Variants in RASSF5 observed in about 807,000 individuals in gnomAD.
The protein encoded by RASSF5 is Ras association domain family member 5.
RASSF5 carries 25 observed loss-of-function variants against 40.5 expected under a neutral mutation model. The ratio of observed to expected loss-of-function variants is 0.62; its 90% confidence interval spans 0.45 to 0.86. The LOEUF is 0.86. Ranked by LOEUF, RASSF5 falls within the 40% of genes least tolerant of loss-of-function variation. RASSF5 has a pLI of 0.00. For missense variants in RASSF5, 521 were observed against 572.8 expected (o/e 0.91, Z 0.92); for synonymous variants, 246 against 252.4 (o/e 0.97, Z 0.24).
intron 2 of RASSF5, among the ~76,000 whole-genome samples, chr1:206,548,802 C>T (rs1257627089): frequency 6.6e-6 from 1 of 152,160 alleles, no homozygotes; most frequent in African/African-American, 2.4e-5. Context: ...TGCTTGAATT[C>T]GTTCCACAGC....
chr1:206,557,606 CTG>C (rs1668026658), intron 2 of RASSF5: 2 of 1,614,242 alleles, frequency 1.2e-6, no homozygotes, highest in East Asian at 4.5e-5. Context: ...GCAGTGGGTA[CTG>C]CAGCCTGGAC....
In RASSF5 at chr1:206,583,301, C is replaced by T; in HGVS notation, c.612C>T (p.Arg204=). ...GTAAACCTGTGGAGGAGACACAGCG[C>T]CCGCCCACACTGCAGGAGATCAAGC... ...NVCKPVEETQ[R]PPTLQEIKQK... The change falls in exon 3 of 6, where the codon CGC becomes CGT. Residue 204 remains arginine, a synonymous_variant. Coordinates refer to ENST00000579436, the MANE Select transcript of RASSF5 (RefSeq NM_182663.4). The T allele has an allele frequency of 1.2e-6, 2 of 1,613,818 alleles. No homozygotes were observed. The highest frequency in any genetic ancestry group is 8.5e-7 in the Non-Finnish European group (1 of 1,179,782).
In RASSF5 at chr1:206,513,756, C is replaced by A. The variant is rs1409080601; in HGVS notation, c.457+5697C>A. Among the ~76,000 whole-genome samples the A allele has an allele frequency of 2.6e-5, 4 of 152,104 alleles. No homozygotes were observed. The highest frequency in any genetic ancestry group is 4.4e-5 in the Non-Finnish European group (3 of 68,012). On this transcript the variant is annotated intron_variant, in intron 1 of 5. Transcript: ENST00000579436. The surrounding 1 kb of genome is among the most constrained non-coding windows in gnomAD (Gnocchi z 5.0). ...CATGTTCCGGGCTGGATCTCAGGGT[C>A]GGAAGGGGAACAGAGCCAGTTTTGG...
At chr1:206,528,532 G>T (rs963773691) in intron 1 of RASSF5, among the ~76,000 whole-genome samples, 8 of 152,166 alleles carry the variant, frequency 5.3e-5, no homozygotes, top group African/African-American at 1.9e-4. Context: ...ACAGCACCAA[G>T]AGTGAACCCT....
At chr1:206,514,307 T>C (rs528412576) in intron 1 of RASSF5, among the ~76,000 whole-genome samples, 1 of 152,362 alleles carries the variant, frequency 6.6e-6, no homozygotes, top group African/African-American at 2.4e-5. Context: ...AGATTTTCTT[T>C]CGGATTTTCC....
intron 1 of RASSF5, among the ~76,000 whole-genome samples, chr1:206,522,608 A>T (rs1666937517): frequency 6.6e-6 from 1 of 152,212 alleles, no homozygotes; most frequent in Non-Finnish European, 1.5e-5. Flanking sequence ...TTCTTGGCCA[A>T]GGGGGGATTC....
At chr1:206,582,926 T>C (rs1187422742) in intron 2 of RASSF5, among the ~76,000 whole-genome samples, 1 of 152,178 alleles carries the variant, frequency 6.6e-6, no homozygotes, top group Non-Finnish European at 1.5e-5. Flanking sequence ...CATAAGCAAA[T>C]GCGGCTCTGC....
chr1:206,538,339 G>A, intron 2 of RASSF5, 46 bp downstream of exon 2: 3 of 1,606,404 alleles, frequency 1.9e-6, no homozygotes, highest in African/African-American at 1.3e-5. Context: ...GCCTCTGCAG[G>A]TGCCCCGGGC....
chr1:206,528,895 C>G (rs1270512960), intron 1 of RASSF5: 1 of 523,552 alleles, frequency 1.9e-6, no homozygotes, highest in Admixed American at 3.3e-5. Flanking sequence ...AAAATTAGCT[C>G]TCTCCTCGCA....
intron 2 of RASSF5, among the ~76,000 whole-genome samples, chr1:206,556,331 T>C (rs565584109): frequency 1.3e-5 from 2 of 152,310 alleles, no homozygotes; most frequent in South Asian, 4.1e-4. Flanking sequence ...CTCAAGGCTA[T>C]TGGAATGAGT....
rs1174222357 is a variant in RASSF5, at chr1:206,535,235, G to A, written c.458-2937G>A. Among the ~76,000 whole-genome samples, 1 of 152,158 alleles carries A rather than the reference G, an allele frequency of 6.6e-6. No homozygotes were observed. The highest frequency in any genetic ancestry group is 1.9e-4 in the East Asian group (1 of 5,204). On this transcript the variant is annotated intron_variant, in intron 1 of 5. Coordinates refer to ENST00000579436, the MANE Select transcript of RASSF5 (RefSeq NM_182663.4). This position sits in a 1 kb window ranked among gnomAD's most constrained non-coding sequence, Gnocchi z 5.0. The stretch of plus-strand genomic sequence containing the variant: ...AAAAACAAAAAACAAAACATAAATT[G>A]AGCACCAGCTGAAGGCTGTGGAGGA...
Position 206,578,233 on chromosome 1 carries a change from AGT to A in RASSF5, c.580-5007_580-5006del, listed in dbSNP as rs58059864. Among the ~76,000 whole-genome samples the A allele has an allele frequency of 2.6e-3, 301 of 117,526 alleles. 1 individual carries two copies. Among genetic ancestry groups the A allele is most frequent in the East Asian group, 4.4e-3 (18 of 4,054 alleles). The allele number at this position is 117,526 out of a possible 152,430, so 77.1% of individuals were successfully genotyped here. ...AGAGGGAGACATCTCAAAAAAAAAA[AGT>A]GTGTGTGTGTGTGTGTGTGTGTGTG... On this transcript the variant is annotated intron_variant, in intron 2 of 5. Transcript: ENST00000579436.
At chr1:206,530,701 C>T (rs540169584) in intron 1 of RASSF5, among the ~76,000 whole-genome samples, 3 of 152,302 alleles carry the variant, frequency 2.0e-5, no homozygotes, top group South Asian at 2.1e-4. Context: ...TCCAGGGGGC[C>T]GGCAGAGGCT....
chr1:206,558,228 G>A (rs1473409551), intron 2 of RASSF5, among the ~76,000 whole-genome samples: 2 of 152,208 alleles, frequency 1.3e-5, no homozygotes, highest in Middle Eastern at 3.2e-3. Context: ...TCTGGCCTAG[G>A]CTGCTGTCAT....
chr1:206,541,337 G>A (rs1220247205), intron 2 of RASSF5, among the ~76,000 whole-genome samples: 1 of 152,094 alleles, frequency 6.6e-6, no homozygotes, highest in East Asian at 1.9e-4. Context: ...ATAAGCATTT[G>A]GCCTCAACAT....
intron 1 of RASSF5, among the ~76,000 whole-genome samples, chr1:206,537,028 G>T (rs573942004): frequency 1.3e-5 from 2 of 150,112 alleles, no homozygotes; most frequent in Non-Finnish European, 3.0e-5. Context: ...CCCCACCCCC[G>T]CTCCCCTGCC....
chr1:206,557,579 C>G, intron 2 of RASSF5: 2 of 1,614,112 alleles, frequency 1.2e-6, no homozygotes, highest in South Asian at 2.2e-5. Flanking sequence ...GGTAGATGAC[C>G]GTGGACAGCA....
rs182749971 is a variant in RASSF5, at chr1:206,525,015, C to T, written c.458-13157C>T. On this transcript the variant is annotated intron_variant, in intron 1 of 5. Transcript: ENST00000579436. ...TCCTTTGTCCTGGGTGCCTGGCAGG[C>T]ACTCCTCTTACTTCCTGCATCATTT... Among the ~76,000 whole-genome samples the T allele has an allele frequency of 2.2e-4, 34 of 152,090 alleles. 1 individual carries two copies. In the East Asian group the frequency reaches 4.8e-3, roughly 22 times the overall value.
rs1340914902 is a variant in RASSF5 at position 206,579,629 on chromosome 1, G to A, written c.580-3640G>A. ...GGGTCTGTCTATTTCAGTTCTTTTC[G>A]AATGTTGCTGCGAATTAAAATCAAC... On this transcript the variant is annotated intron_variant, in intron 2 of 5. Transcript: ENST00000579436. This position sits in a 1 kb window ranked among gnomAD's most constrained non-coding sequence, Gnocchi z 4.2. Among the ~76,000 whole-genome samples the A allele has an allele frequency of 1.3e-5, 2 of 152,078 alleles. No homozygotes were observed. Among genetic ancestry groups the A allele is most frequent in the African/African-American group, 2.4e-5 (1 of 41,372 alleles).
Sources: allele counts gnomAD v4.1 joint callset (sites outside exome capture counted in the v4.1 genomes callset), GRCh38; gene constraint gnomAD v4.1.1; non-coding constraint Gnocchi (gnomAD v3.1); transcripts MANE v1.5; gene names NCBI Gene and HGNC (gene_info 2026-07-23, HGNC 2026-07-21).